Variants in OLA1 observed in about 807,000 individuals in gnomAD.
OLA1 encodes Obg like ATPase 1.
OLA1 carries 14 observed loss-of-function variants against 48.4 expected under a neutral mutation model. The ratio of observed to expected loss-of-function variants is 0.29; its 90% confidence interval spans 0.19 to 0.45. OLA1 has a LOEUF of 0.45. Ranked by LOEUF, OLA1 falls within the 20% of genes least tolerant of loss-of-function variation. The probability of loss-of-function intolerance (pLI) is 1.00; values close to 1 mark genes in which losing one functional copy is unlikely to be tolerated. For synonymous variants in OLA1, 127 were observed against 150.4 expected (o/e 0.84, Z 1.14); for missense variants, 325 against 467.1 (o/e 0.70, Z 2.80).
intron 7 of OLA1, among the ~76,000 whole-genome samples, chr2:174,096,155 A>C (rs1398201954): frequency 6.6e-6 from 1 of 152,224 alleles, no homozygotes; most frequent in Non-Finnish European, 1.5e-5. Context: ...TGAACGTTGA[A>C]AACACTATGC....
intron 7 of OLA1, among the ~76,000 whole-genome samples, chr2:174,105,491 T>C (rs1371126359): frequency 6.6e-6 from 1 of 152,028 alleles, no homozygotes; most frequent in African/African-American, 2.4e-5. Context: ...AATTAATGTA[T>C]AACACCACCT....
At chr2:174,185,307 AC>A (rs1687634054) in intron 4 of OLA1, among the ~76,000 whole-genome samples, 2 of 152,230 alleles carry the variant, frequency 1.3e-5, no homozygotes, top group African/African-American at 4.8e-5. Flanking sequence ...CTCAAGGTTA[AC>A]TGGGAAGTGT....
At chr2:174,139,084 G>A (rs1245713733) in intron 5 of OLA1, among the ~76,000 whole-genome samples, 4 of 152,160 alleles carry the variant, frequency 2.6e-5, no homozygotes, top group African/African-American at 9.7e-5. Flanking sequence ...CCTTGATCTT[G>A]ATGACTTGGT....
intron 5 of OLA1, among the ~76,000 whole-genome samples, chr2:174,134,103 G>A (rs77671626): frequency 0.013 from 1,939 of 152,280 alleles, 49 homozygotes; most frequent in African/African-American, 0.045. Flanking sequence ...TGTAGTATCA[G>A]TACTTCATTC....
intron 4 of OLA1, among the ~76,000 whole-genome samples, chr2:174,197,345 A>G (rs1000904113): frequency 9.2e-6 from 1 of 108,116 alleles, no homozygotes; most frequent in African/African-American, 3.6e-5. Context: ...CAGAATGATT[A>G]GCATTCCCCC....
At chr2:174,080,946 G>C in intron 9 of OLA1, 1 of 521,778 alleles carries the variant, frequency 1.9e-6, no homozygotes, top group Non-Finnish European at 3.4e-6. Context: ...CTATGTAATA[G>C]GCAGAATCAA....
intron 4 of OLA1, among the ~76,000 whole-genome samples, chr2:174,142,861 A>G (rs780306277): frequency 2.8e-4 from 42 of 152,236 alleles, no homozygotes; most frequent in Non-Finnish European, 5.3e-4. Context: ...GAAAGCAATG[A>G]TATATCCACC....
At position 174,178,236 on chromosome 2, in the gene OLA1, T is replaced by G. The variant is rs777539720; in HGVS notation, c.374-36236A>C. On this transcript the variant is annotated intron_variant, in intron 4 of 10. Transcript: ENST00000284719. ...GTATTAGCCAAATACAGGCATTTAT[T>G]TCAGTATTTATTATAGATGTTTGAT... is the stretch of plus-strand genomic sequence containing the variant. 2.0e-4 allele frequency among the ~76,000 whole-genome samples: 30 copies of G among 152,026 alleles called. 1 individual carries two copies. Among genetic ancestry groups the G allele is most frequent in the Non-Finnish European group, 8.8e-5 (6 of 67,876 alleles).
chr2:174,101,112 A>G (rs1685387239), intron 7 of OLA1, among the ~76,000 whole-genome samples: 1 of 152,238 alleles, frequency 6.6e-6, no homozygotes, highest in African/African-American at 2.4e-5. Flanking sequence ...TTTCCAAAGC[A>G]GTTGTACCAC....
At chr2:174,230,143 A>G (rs1295154364) in intron 2 of OLA1, among the ~76,000 whole-genome samples, 49 of 152,212 alleles carry the variant, frequency 3.2e-4, no homozygotes, top group Admixed American at 3.2e-3. Flanking sequence ...TCACGTTAAC[A>G]TTTTTAAAAA....
chr2:174,234,292 C>T (rs1319293798), intron 2 of OLA1, among the ~76,000 whole-genome samples: 1 of 152,092 alleles, frequency 6.6e-6, no homozygotes, highest in Non-Finnish European at 1.5e-5. Flanking sequence ...ATACAACATA[C>T]AAAATATAGC....
At chr2:174,137,258 G>GT (rs1301710380) in intron 5 of OLA1, among the ~76,000 whole-genome samples, 1 of 152,166 alleles carries the variant, frequency 6.6e-6, no homozygotes, top group East Asian at 1.9e-4. Flanking sequence ...GAAAGGAATT[G>GT]TTTTTTCTGA....
intron 4 of OLA1, among the ~76,000 whole-genome samples, chr2:174,179,474 A>G (rs1687485374): frequency 6.6e-6 from 1 of 152,156 alleles, no homozygotes; most frequent in Admixed American, 6.5e-5. Context: ...ACTTAGGAAT[A>G]CTTCTTTAAA....
At chr2:174,137,722 A>G (rs1344039957) in intron 5 of OLA1, among the ~76,000 whole-genome samples, 1 of 152,216 alleles carries the variant, frequency 6.6e-6, no homozygotes, top group African/African-American at 2.4e-5. Flanking sequence ...AACCTCTGTA[A>G]GCTTCCAACT....
rs545153393 is a variant in OLA1 at position 174,077,119 on chromosome 2, G to A, written c.1090-1592C>T. On this transcript the variant is annotated intron_variant, in intron 10 of 10. Transcript: ENST00000284719. ...AAATCAATACCCATTTGTGAATCTT[G>A]AGTATGTATTAAACAAGACACGTCT... is the stretch of plus-strand genomic sequence containing the variant. 2.6e-5 allele frequency among the ~76,000 whole-genome samples: 4 copies of A among 152,026 alleles called. No individual in the cohort carries two copies. In the East Asian group the frequency reaches 7.7e-4, roughly 29 times the overall value.
chr2:174,212,508 T>C (rs1290932900), intron 4 of OLA1, among the ~76,000 whole-genome samples: 1 of 152,190 alleles, frequency 6.6e-6, no homozygotes, highest in East Asian at 1.9e-4. Flanking sequence ...TAAATTTATG[T>C]TAATTTTTTT....
chr2:174,164,698 C>T (rs1425899282), intron 4 of OLA1, among the ~76,000 whole-genome samples: 1 of 152,122 alleles, frequency 6.6e-6, no homozygotes, highest in African/African-American at 2.4e-5. Flanking sequence ...TCAAGTTTAT[C>T]ACTGATAGGT....
rs1206241287 is a variant in OLA1 at position 174,142,513 on chromosome 2, G to A, written c.374-513C>T. 2.0e-5 allele frequency among the ~76,000 whole-genome samples: 3 copies of A among 152,292 alleles called. No homozygotes were observed. In the East Asian group the frequency reaches 5.8e-4, roughly 29 times the overall value. On this transcript the variant is annotated intron_variant, in intron 4 of 10. Coordinates refer to ENST00000284719, the MANE Select transcript of OLA1 (RefSeq NM_013341.5). ...GCAGCTAATTTCATCGGCCTGATTT[G>A]AGGGTATGGTTTTTAGGGGGCTATC... is the stretch of plus-strand genomic sequence containing the variant.
rs772275098 is a variant in OLA1, at chr2:174,082,049, T to C, written c.744A>G (p.Lys248=). ...RKKNKWLIKI[K]EWVDKYDPGA... is the part of the protein sequence containing the mutation. ...CTGGGTCATACTTGTCCACCCACTC[T>C]TTAATTTTTATCAACCTGTAGACAA... The change falls in exon 8 of 11, where the codon AAA becomes AAG. Residue 248 remains lysine (K), a synonymous_variant. Transcript: ENST00000284719. 1.1e-5 allele frequency: 18 copies of C among 1,613,238 alleles called. No individual in the cohort carries two copies. The highest frequency in any genetic ancestry group is 1.4e-5 in the Non-Finnish European group (17 of 1,179,374).
Sources: allele counts gnomAD v4.1 joint callset (sites outside exome capture counted in the v4.1 genomes callset), GRCh38; gene constraint gnomAD v4.1.1; transcripts MANE v1.5; gene names NCBI Gene and HGNC (gene_info 2026-07-23, HGNC 2026-07-21).